The following C1orf116 variants were observed in gnomAD, a reference collection of about 807,000 sequenced individuals.
The protein encoded by C1orf116 is chromosome 1 open reading frame 116.
A neutral mutation model predicts 14.1 loss-of-function variants in C1orf116; 12 were observed. The observed-to-expected ratio is 0.85, with a 90% CI of 0.54 to 1.38. The LOEUF is 1.38. Ranked by LOEUF, C1orf116 falls within the 40% of genes most tolerant of loss-of-function variation. C1orf116 has a pLI of 0.00. For missense variants in C1orf116, 797 were observed against 747.0 expected, an observed-to-expected ratio of 1.07 and a Z score of -0.78; for synonymous variants, 296 against 299.0, an observed-to-expected ratio of 0.99 and a Z score of 0.10.
chr1:207,027,380 A>G lies in C1orf116; in HGVS notation c.105+114T>C, dbSNP rs1682111206. 2.3e-6 allele frequency: 3 copies of G among 1,332,886 alleles called. No individual in the cohort carries two copies. The Admixed American group carries it at 5.7e-5, about 25-fold the overall frequency. 82.6% of individuals were successfully genotyped at this position (1,332,886 alleles called of 1,614,324 possible). ...TGGTGTTGTGAATCACTCCCCAACA[A>G]TGAAAGAGAAGGTGCAGTGAGCCAG... On this transcript the variant is annotated intron_variant, in intron 2 of 3. Transcript: ENST00000359470.
At chr1:207,029,861 T>C (rs1186576289) in intron 1 of C1orf116, among the ~76,000 whole-genome samples, 1 of 152,194 alleles carries the variant, frequency 6.6e-6, no homozygotes, top group Non-Finnish European at 1.5e-5. Context: ...CTCTGTAAAA[T>C]CAGGGCAGTA....
chr1:207,029,706 A>C (rs1682188100), intron 1 of C1orf116, among the ~76,000 whole-genome samples: 2 of 152,202 alleles, frequency 1.3e-5, no homozygotes, highest in South Asian at 4.1e-4. Flanking sequence ...TGGCTCAGTG[A>C]AATTTGGGCA....
intron 2 of C1orf116, among the ~76,000 whole-genome samples, chr1:207,025,351 T>C (rs1274760947): frequency 2.0e-5 from 3 of 152,212 alleles, no homozygotes; most frequent in Non-Finnish European, 4.4e-5. Context: ...GGCAGGCACA[T>C]GGCAGGGGCC....
chr1:207,026,658 C>T (rs1289141772), intron 2 of C1orf116, among the ~76,000 whole-genome samples: 1 of 152,184 alleles, frequency 6.6e-6, no homozygotes, highest in Non-Finnish European at 1.5e-5. Context: ...TCAAATACCT[C>T]TATAGGATAC....
intron 1 of C1orf116, among the ~76,000 whole-genome samples, chr1:207,029,138 A>G (rs1682171133): frequency 1.3e-5 from 2 of 151,926 alleles, no homozygotes; most frequent in Non-Finnish European, 2.9e-5. Flanking sequence ...ATGGAGCCCC[A>G]AGGAGCTCCT....
In C1orf116 at chr1:207,023,477, C is replaced by T; in HGVS notation, c.287G>A (p.Gly96Asp). The T allele has an allele frequency of 1.2e-6, 2 of 1,604,842 alleles. No homozygotes were observed. The highest frequency in any genetic ancestry group is 1.7e-6 in the Non-Finnish European group (2 of 1,176,058). Residue 96 changes from glycine to aspartate, a missense_variant, in exon 4 of 4, where the codon GGT becomes GAT. By Grantham distance (94) the Gly-to-Asp change is moderately conservative (BLOSUM62 -1). Transcript: ENST00000359470. ...TTGCTGAGTGATGGTCTCCTCTGGA[C>T]CTCCTGTGAGGGTCAGAAAGAACAT... ...LPITQPTPRG[G>D]PEETITQQGR...
At chr1:207,030,899 C>G (rs947152841) in intron 1 of C1orf116, among the ~76,000 whole-genome samples, 13 of 152,190 alleles carry the variant, frequency 8.5e-5, no homozygotes, top group African/African-American at 3.1e-4. Flanking sequence ...GACTAAAATA[C>G]TAAATACTGC....
At position 207,023,459 on chromosome 1, in the gene C1orf116, G is replaced by C. The variant is rs1161075508; in HGVS notation, c.305C>G (p.Thr102Ser). ...TPRGGPEETI[T>S]QQGRTPRTVT... ...TGTCCTTGGCGTTCGTCCTTGCTGA[G>C]TGATGGTCTCCTCTGGACCTCCTGT... Residue 102 changes from threonine to serine, a missense_variant, in exon 4 of 4, where the codon ACT becomes AGT. Coordinates refer to ENST00000359470, the MANE Select transcript of C1orf116 (RefSeq NM_023938.6). 1 of 1,612,460 alleles carries C rather than the reference G, an allele frequency of 6.2e-7. No homozygotes were observed. Among genetic ancestry groups the C allele is most frequent in the Middle Eastern group, 1.7e-4 (1 of 6,052 alleles).
At chr1:207,031,446 T>G (rs992561709) in intron 1 of C1orf116, among the ~76,000 whole-genome samples, 6 of 152,202 alleles carry the variant, frequency 3.9e-5, no homozygotes, top group African/African-American at 1.4e-4. Context: ...TGAGGTGAGC[T>G]CAAGCCTAAA....
Position 207,022,509 on chromosome 1 carries a change from C to G in C1orf116, c.1255G>C (p.Gly419Arg). ...ATTGGCAAAGGTCCCTGAGCTGGAC[C>G]TGGAGCTGGAGCCGGAGCTTGAGCC... ...ALAQAPAPAP[G>R]PAQGPLPMKS... Residue 419 changes from glycine (G) to arginine (R), a missense_variant, in exon 4 of 4, where the codon GGT (glycine) becomes CGT (arginine). Transcript: ENST00000359470. The G allele has an allele frequency of 6.2e-7, 1 of 1,614,166 alleles. No homozygotes were observed. The highest frequency in any genetic ancestry group is 8.5e-7 in the Non-Finnish European group (1 of 1,180,004).
Position 207,021,405 on chromosome 1 carries a change from T to G in C1orf116, c.*553A>C, listed in dbSNP as rs1385233632. ...GTGGGTGAAGAGATAACGAATCAGC[T>G]CCTCTTAGCCCAGGCCTTGTCCAGA... On this transcript the variant is annotated 3_prime_UTR_variant, in exon 4 of 4. Transcript: ENST00000359470. 1 of 152,584 alleles carries G rather than the reference T, an allele frequency of 6.6e-6. No individual in the cohort carries two copies. The highest frequency in any genetic ancestry group is 1.5e-5 in the Non-Finnish European group (1 of 68,058). The allele number at this position is 152,584 out of a possible 1,614,324, so 9.5% of individuals were successfully genotyped here. A position where few individuals can be genotyped will look rare whatever the true frequency, so the allele number is the denominator to read the frequency against.
In C1orf116 at chr1:207,032,066, A is replaced by C. The variant is rs139505149; in HGVS notation, c.-82+513T>G. 5.9e-5 allele frequency among the ~76,000 whole-genome samples: 9 copies of C among 152,310 alleles called. No homozygotes were observed. In the South Asian group the frequency reaches 1.9e-3, roughly 32 times the overall value. On this transcript the variant is annotated intron_variant, in intron 1 of 3. Transcript: ENST00000359470. ...GCTCATGCCTAACACACCTGTACAC[A>C]GAGAGCTCCATTATCACATGAGCAT...
intron 1 of C1orf116, among the ~76,000 whole-genome samples, chr1:207,031,922 A>T (rs1256745356): frequency 6.6e-6 from 1 of 152,234 alleles, no homozygotes; most frequent in Non-Finnish European, 1.5e-5. Flanking sequence ...AATTGAGTAG[A>T]ATCCAAATAA....
chr1:207,028,395 G>C (rs1471836420), intron 1 of C1orf116, among the ~76,000 whole-genome samples: 1 of 152,164 alleles, frequency 6.6e-6, no homozygotes, highest in African/African-American at 2.4e-5. Flanking sequence ...AGAGCAAATT[G>C]TCACCTGCTA....
Position 207,025,008 on chromosome 1 carries a change from C to T in C1orf116, c.162G>A (p.Leu54=), listed in dbSNP as rs1345464941. ...TGTCCAGTGAGCCAATGGTCTCCTC[C>T]AGGAAGAGCAGACACTCCTTCTCTT... The part of the protein sequence containing the change: ...STEEKECLLF[L]EETIGSLDTE... Residue 54 remains leucine, a synonymous_variant, in exon 3 of 4, where the codon CTG becomes CTA. Coordinates refer to ENST00000359470, the MANE Select transcript of C1orf116 (RefSeq NM_023938.6). The T allele has an allele frequency of 6.3e-7, 1 of 1,597,190 alleles. No individual in the cohort carries two copies. Among genetic ancestry groups the T allele is most frequent in the African/African-American group, 1.4e-5 (1 of 72,636 alleles).
chr1:207,025,704 G>C (rs937204176), intron 2 of C1orf116, among the ~76,000 whole-genome samples: 4 of 152,170 alleles, frequency 2.6e-5, no homozygotes, highest in African/African-American at 9.7e-5. Context: ...CATTCCATAC[G>C]GGAATTTTTC....
In C1orf116 at chr1:207,019,852, T is replaced by G. The variant is rs1489378703; in HGVS notation, c.*2106A>C. The G allele has an allele frequency of 6.6e-6, 1 of 152,126 alleles. No individual in the cohort carries two copies. Among genetic ancestry groups the G allele is most frequent in the Non-Finnish European group, 1.5e-5 (1 of 68,016 alleles). The allele number at this position is 152,126 out of a possible 1,614,324, so 9.4% of individuals were successfully genotyped here. A position where few individuals can be genotyped will look rare whatever the true frequency, so the allele number is the denominator to read the frequency against. On this transcript the variant is annotated 3_prime_UTR_variant, in exon 4 of 4. Transcript: ENST00000359470. The stretch of plus-strand genomic sequence containing the variant: ...TTGTCGTGTGTGGGAGAAATGACCT[T>G]TCTCAGGATGTGGGAATATAATAGG...
Position 207,022,622 on chromosome 1 carries a change from G to A in C1orf116, c.1142C>T (p.Ala381Val). ...ACCTGGAGCTGGGGACAGATGCTGG[G>A]CCCGTGTCTCCTTGGGTCTGATGGA... ...TSSIRPKETR[A>V]QHLSPAPGLA... is the part of the protein sequence containing the mutation. Residue 381 changes from alanine (A) to valine (V), a missense_variant, in exon 4 of 4, where the codon GCC (alanine) becomes GTC (valine). Physicochemically the swap from Ala to Val is moderately conservative, Grantham distance 64. Transcript: ENST00000359470. 1 of 1,614,132 alleles carries A rather than the reference G, an allele frequency of 6.2e-7. No homozygotes were observed. The highest frequency in any genetic ancestry group is 8.5e-7 in the Non-Finnish European group (1 of 1,180,032).
chr1:207,018,600 A>C lies in C1orf116; in HGVS notation c.*3358T>G, dbSNP rs1044442829. 6 of 152,180 alleles carry C rather than the reference A, an allele frequency of 3.9e-5. No homozygotes were observed. The highest frequency in any genetic ancestry group is 1.4e-4 in the African/African-American group (6 of 41,448). The allele number at this position is 152,180 out of a possible 1,614,324, so 9.4% of individuals were successfully genotyped here. A position where few individuals can be genotyped will look rare whatever the true frequency, so the allele number is the denominator to read the frequency against. On this transcript the variant is annotated 3_prime_UTR_variant, in exon 4 of 4. Coordinates refer to ENST00000359470, the MANE Select transcript of C1orf116 (RefSeq NM_023938.6). Reference sequence around the variant, plus strand: ...TGTTTTATATCACTTATTTATCTCAACAATCTTGAAAGGGTGGTATTATTT... The same window carrying C: ...TGTTTTATATCACTTATTTATCTCACCAATCTTGAAAGGGTGGTATTATTT...
Sources: gnomAD v4.1 joint callset for allele counts (sites outside exome capture counted in the v4.1 genomes callset) on GRCh38, gnomAD v4.1.1 for gene constraint, MANE v1.5 for transcripts, NCBI Gene and HGNC (gene_info 2026-07-23, HGNC 2026-07-21) for gene names.